TASP1: variants seen among roughly 807,000 people sequenced by gnomAD.
The protein encoded by TASP1 is taspase 1, also known as threonine aspartase 1.
In TASP1, 16 loss-of-function variants were observed where a neutral mutation model predicts 56.6. That is an observed-to-expected ratio of 0.28 (90% confidence interval 0.19 to 0.43). The LOEUF is 0.43. TASP1 is among the 20% of genes least tolerant of loss of function. The pLI is 1.00. For synonymous variants in TASP1, 179 were observed against 184.2 expected (o/e 0.97, Z 0.23); for missense variants, 393 against 511.6 (o/e 0.77, Z 2.24).
At position 13,479,406 on chromosome 20, in the gene TASP1, A is replaced by C. The variant is rs186515160; in HGVS notation, c.985+3821T>G. Among the ~76,000 whole-genome samples the C allele has an allele frequency of 3.3e-5, 5 of 152,210 alleles. No homozygotes were observed. The East Asian group carries it at 9.7e-4, about 29-fold the overall frequency. ...AAATCATTTCAAATAGAAACTTGAGATCCACCATTAATAGTTTTAATTTAT... is the reference window on the plus strand; with the variant it reads ...AAATCATTTCAAATAGAAACTTGAGCTCCACCATTAATAGTTTTAATTTAT... On this transcript the variant is annotated intron_variant, in intron 11 of 13. Coordinates refer to ENST00000337743, the MANE Select transcript of TASP1 (RefSeq NM_017714.3).
intron 11 of TASP1, among the ~76,000 whole-genome samples, chr20:13,435,856 A>G (rs2042984181): frequency 6.6e-6 from 1 of 152,188 alleles, no homozygotes; most frequent in Non-Finnish European, 1.5e-5. Context: ...TATCAAAGAG[A>G]GTAGTAAAAA....
chr20:13,609,992 A>G (rs2048297167), intron 4 of TASP1, among the ~76,000 whole-genome samples: 1 of 152,240 alleles, frequency 6.6e-6, no homozygotes, highest in African/African-American at 2.4e-5. Context: ...ACATTATTCT[A>G]AGCGAAAAAA....
chr20:13,453,123 G>C (rs2043686351), intron 11 of TASP1, among the ~76,000 whole-genome samples: 1 of 152,168 alleles, frequency 6.6e-6, no homozygotes, highest in East Asian at 1.9e-4. Context: ...CAATAATGTA[G>C]AGACCACTAG....
intron 8 of TASP1, among the ~76,000 whole-genome samples, chr20:13,544,969 C>T (rs2045754146): frequency 6.6e-6 from 1 of 152,096 alleles, no homozygotes; most frequent in African/African-American, 2.4e-5. Context: ...TCAACCCTTT[C>T]CAGACTGTAG....
rs539411849 is a variant in TASP1, at chr20:13,432,386, G to A, written c.1096+2658C>T. Among the ~76,000 whole-genome samples the A allele has an allele frequency of 5.2e-4, 79 of 152,294 alleles. No individual in the cohort carries two copies. In the Middle Eastern group the frequency reaches 0.01, roughly 20 times the overall value. On this transcript the variant is annotated intron_variant, in intron 12 of 13. Transcript: ENST00000337743. ...TAACCAGAACCAAAGACTGACTGGT[G>A]GCTCTGGAAATGGAGTGTAAAAGGT...
intron 4 of TASP1, among the ~76,000 whole-genome samples, chr20:13,601,769 C>T (rs1157460853): frequency 1.3e-5 from 2 of 150,494 alleles, no homozygotes; most frequent in Non-Finnish European, 2.9e-5. Context: ...TCAACATCAA[C>T]AGCGATAAGT....
the TASP1 span, among the ~76,000 whole-genome samples, chr20:13,329,830 A>T: frequency 6.6e-6 from 1 of 152,126 alleles, no homozygotes; most frequent in African/African-American, 2.4e-5. Context: ...AAGAGTGGAC[A>T]TCCATTTTTC....
chr20:13,402,388 G>T (rs2041770525), intron 13 of TASP1, among the ~76,000 whole-genome samples: 1 of 152,138 alleles, frequency 6.6e-6, no homozygotes, highest in African/African-American at 2.4e-5. Flanking sequence ...GACCCAATGG[G>T]ATCATCCTGG....
the TASP1 span, among the ~76,000 whole-genome samples, chr20:13,356,556 C>T: frequency 1.3e-5 from 2 of 152,056 alleles, no homozygotes; most frequent in African/African-American, 2.4e-5. Flanking sequence ...CTATTTTTTT[C>T]AAACAATGAG....
intron 10 of TASP1, among the ~76,000 whole-genome samples, chr20:13,499,779 A>G (rs2043877136): frequency 6.6e-6 from 1 of 152,188 alleles, no homozygotes; most frequent in East Asian, 1.9e-4. Flanking sequence ...TATATAAACC[A>G]TGGAATACTA....
chr20:13,443,859 A>T (rs1302677108), intron 11 of TASP1, among the ~76,000 whole-genome samples: 1 of 152,190 alleles, frequency 6.6e-6, no homozygotes, highest in Non-Finnish European at 1.5e-5. Flanking sequence ...AGAGGAAAAA[A>T]ACCAAAGGGG....
the TASP1 span, among the ~76,000 whole-genome samples, chr20:13,278,413 G>A: frequency 6.6e-6 from 1 of 152,150 alleles, no homozygotes; most frequent in Non-Finnish European, 1.5e-5. Context: ...TGAGGAGCTT[G>A]TACTTATGTC....
the TASP1 span, among the ~76,000 whole-genome samples, chr20:13,221,219 A>ACTCCTACTCCTCCTC: frequency 1.1e-4 from 9 of 82,770 alleles, no homozygotes; most frequent in Admixed American, 1.3e-4. Flanking sequence ...AAGCCCTCCT[A>ACTCCTACTCCTCCTC]CTCCTCCTCC....
chr20:13,224,330 A>G, the TASP1 span, among the ~76,000 whole-genome samples: 6 of 152,228 alleles, frequency 3.9e-5, no homozygotes, highest in African/African-American at 1.4e-4. Flanking sequence ...TTATAAGTCA[A>G]AAGAAGAATG....
intron 11 of TASP1, among the ~76,000 whole-genome samples, chr20:13,461,662 G>A (rs2044056749): frequency 6.6e-6 from 1 of 152,140 alleles, no homozygotes; most frequent in African/African-American, 2.4e-5. Context: ...ACAAGTGAGT[G>A]TAGCTATGTT....
At chr20:13,218,219 C>T in the TASP1 span, among the ~76,000 whole-genome samples, 1 of 150,626 alleles carries the variant, frequency 6.6e-6, no homozygotes, top group African/African-American at 2.5e-5. Context: ...CCACTACACT[C>T]CAGCCTGGGT....
chr20:13,614,397 T>C (rs1416203764), intron 4 of TASP1, among the ~76,000 whole-genome samples: 2 of 152,058 alleles, frequency 1.3e-5, no homozygotes, highest in African/African-American at 4.8e-5. Context: ...CTTCTTTAAG[T>C]GCCCAAGCTT....
At chr20:13,285,509 G>T in the TASP1 span, among the ~76,000 whole-genome samples, 1 of 152,202 alleles carries the variant, frequency 6.6e-6, no homozygotes, top group South Asian at 2.1e-4. Context: ...TCTCTCCACT[G>T]GTCCCTCCCC....
chr20:13,374,135 T>C, the TASP1 span, among the ~76,000 whole-genome samples: 1 of 152,222 alleles, frequency 6.6e-6, no homozygotes, highest in African/African-American at 2.4e-5. Context: ...TTTGATGAGA[T>C]ATTGTCTTCA....
Sources: allele counts gnomAD v4.1 joint callset (sites outside exome capture counted in the v4.1 genomes callset), GRCh38; gene constraint gnomAD v4.1.1; transcripts MANE v1.5; gene names NCBI Gene and HGNC (gene_info 2026-07-23, HGNC 2026-07-21).